The following ACSM5 variants were observed in gnomAD, a reference collection of about 807,000 sequenced individuals.
ACSM5 encodes the protein acyl-coenzyme A synthetase ACSM5, mitochondrial.
ACSM5 carries 56 observed loss-of-function variants against 71.6 expected under a neutral mutation model. That is an observed-to-expected ratio of 0.78 (90% CI 0.63 to 0.98). The LOEUF (loss-of-function observed/expected upper bound fraction) is 0.98, where lower values mean the gene tolerates loss of function less well. Among genes scored for constraint, ACSM5 ranks in the 50% least tolerant of loss-of-function variants. The pLI, the probability that ACSM5 is intolerant of heterozygous loss-of-function variation, is 0.00. For missense variants in ACSM5, 723 were observed against 726.0 expected (o/e 1.00, Z 0.05); for synonymous variants, 285 against 281.5 (o/e 1.01, Z -0.12).
In ACSM5 at chr16:20,440,943, C is replaced by G. The variant is rs535781239; in HGVS notation, c.*516C>G. The G allele has an allele frequency of 6.8e-6, 1 of 147,624 alleles. No homozygotes were observed. The highest frequency in any genetic ancestry group is 2.5e-5 in the African/African-American group (1 of 39,388). 9.1% of individuals were successfully genotyped at this position (147,624 alleles called of 1,614,324 possible). ...AATGTGTGGTGCACTAAGATGATCA[C>G]ACAGCATTAAAACTAAAAAAAAAAA... On this transcript the variant is annotated 3_prime_UTR_variant, in exon 14 of 14. Coordinates refer to ENST00000331849, the MANE Select transcript of ACSM5 (RefSeq NM_017888.3).
chr16:20,440,008 C>T (rs1434131545), intron 13 of ACSM5, 89 bp downstream of exon 13: 6 of 1,523,000 alleles, frequency 3.9e-6, no homozygotes, highest in Non-Finnish European at 5.4e-6. Flanking sequence ...GGCCCTGTGC[C>T]AGGCACTGGG....
chr16:20,426,194 A>G (rs55957497), intron 6 of ACSM5, among the ~76,000 whole-genome samples: 40,615 of 152,178 alleles, frequency 0.27, 5,768 homozygotes, highest in East Asian at 0.37. Flanking sequence ...GATTGTTATC[A>G]TCATGATCAA....
At chr16:20,422,357 G>A (rs575656783) in intron 5 of ACSM5, among the ~76,000 whole-genome samples, 2 of 152,060 alleles carry the variant, frequency 1.3e-5, no homozygotes, top group Non-Finnish European at 2.9e-5. Flanking sequence ...TGATCCTCAC[G>A]CCTTGGCCTC....
chr16:20,411,765 C>T lies in ACSM5; in HGVS notation c.204+77C>T. 2.0e-6 allele frequency: 3 copies of T among 1,468,838 alleles called. 1 individual carries two copies. In the South Asian group the frequency reaches 3.5e-5, roughly 17 times the overall value. The allele number at this position is 1,468,838 out of a possible 1,614,324, so 91.0% of individuals were successfully genotyped here. ...ATGTACCACAATGAGACTCAAGGCTCCAAGCATGTTGATGAGGAAATTTGG... is the reference window on the plus strand; with the variant it reads ...ATGTACCACAATGAGACTCAAGGCTTCAAGCATGTTGATGAGGAAATTTGG... On this transcript the variant is annotated intron_variant, in intron 2 of 13. Coordinates refer to ENST00000331849, the MANE Select transcript of ACSM5 (RefSeq NM_017888.3).
rs149777385 is a variant in ACSM5, at chr16:20,437,328, G to A, written c.1497G>A (p.Glu499=). The change falls in exon 12 of 14, where the codon GAG becomes GAA. Residue 499 remains glutamate (E), a synonymous_variant. Coordinates refer to ENST00000331849, the MANE Select transcript of ACSM5 (RefSeq NM_017888.3). ...TGGCAGAGCATCCTGCTGTCCTGGA[G>A]TCGGCTGTGGTCAGCAGCCCAGACC... is the stretch of plus-strand genomic sequence containing the variant. ...SALAEHPAVL[E]SAVVSSPDPI... The A allele has an allele frequency of 0.015, 24,739 of 1,614,008 alleles. 210 individuals carry two copies. The highest frequency in any genetic ancestry group is 0.018 in the Non-Finnish European group (21,190 of 1,179,986).
At chr16:20,424,925 C>T (rs1167993083) in intron 6 of ACSM5, among the ~76,000 whole-genome samples, 1 of 152,214 alleles carries the variant, frequency 6.6e-6, no homozygotes, top group African/African-American at 2.4e-5. Flanking sequence ...TGTAGGCATG[C>T]AATGCGTGAA....
rs199795760 is a variant in ACSM5, at chr16:20,439,880, T to C, written c.1617T>C (p.His539=). The C allele has an allele frequency of 4.6e-4, 737 of 1,612,176 alleles. 7 individuals carry two copies. Among genetic ancestry groups the C allele is most frequent in the Non-Finnish European group, 3.9e-4 (460 of 1,178,714 alleles). Reference sequence around the variant, plus strand: ...CACTAACGCGGGAACTCCAGGAGCATGTGAAAAGGGTGACTGCTCCATACA... The same window carrying C: ...CACTAACGCGGGAACTCCAGGAGCACGTGAAAAGGGTGACTGCTCCATACA... ...PEALTRELQE[H]VKRVTAPYKY... The change falls in exon 13 of 14, where the codon CAT becomes CAC. Residue 539 remains histidine, a synonymous_variant. Transcript: ENST00000331849.
intron 12 of ACSM5, among the ~76,000 whole-genome samples, chr16:20,439,318 T>G (rs1342116239): frequency 1.6e-5 from 2 of 126,540 alleles, no homozygotes; most frequent in African/African-American, 6.9e-5. Flanking sequence ...AGTGGTGCAG[T>G]TCAGGGTCTG....
Position 20,437,122 on chromosome 16 carries a change from A to G in ACSM5, c.1379A>G (p.Asp460Gly), listed in dbSNP as rs1967216482. 2 of 1,614,222 alleles carry G rather than the reference A, an allele frequency of 1.2e-6. No homozygotes were observed. Among genetic ancestry groups the G allele is most frequent in the Non-Finnish European group, 1.7e-6 (2 of 1,180,040 alleles). ...ATCACAGGGGACCGAGCTCGCATGG[A>G]CAAGGATGGCTACTTTTGGTTCATG... The part of the protein sequence containing the change: ...FYITGDRARM[D>G]KDGYFWFMGR... The change falls in exon 11 of 14, where the codon GAC becomes GGC. Residue 460 changes from aspartate (D) to glycine (G), a missense_variant. Physicochemically the swap from Asp to Gly is moderately conservative, Grantham distance 94. Coordinates refer to ENST00000331849, the MANE Select transcript of ACSM5 (RefSeq NM_017888.3).
At chr16:20,418,011 A>T in intron 2 of ACSM5, 48 bp from the exon 3 acceptor site, 2 of 1,566,478 alleles carry the variant, frequency 1.3e-6, no homozygotes, top group Non-Finnish European at 1.7e-6. Context: ...GCAAACAAAA[A>T]TTCTCAATAA....
Position 20,421,284 on chromosome 16 carries a change from T to C in ACSM5, c.650T>C (p.Met217Thr), listed in dbSNP as rs762283589. The C allele has an allele frequency of 7.5e-6, 12 of 1,605,258 alleles. No homozygotes were observed. The South Asian group carries it at 1.2e-4, about 16-fold the overall frequency. ...LREASTEHNC[M>T]RTKSRDPLAI... ...GAGGCTTCTACAGAGCACAACTGCA[T>C]GAGGACAAAGAGTCGAGACCCGCTG... The change falls in exon 5 of 14, where the codon ATG (methionine) becomes ACG (threonine). Residue 217 changes from methionine to threonine, a missense_variant. Transcript: ENST00000331849.
intron 10 of ACSM5, among the ~76,000 whole-genome samples, chr16:20,435,527 G>A (rs1967174188): frequency 6.6e-6 from 1 of 152,140 alleles, no homozygotes; most frequent in South Asian, 2.1e-4. Flanking sequence ...CGTTAAGTGT[G>A]TAAGTCAATG....
chr16:20,431,127 C>T (rs1967088755), intron 9 of ACSM5, 54 bp downstream of exon 9: 2 of 1,600,620 alleles, frequency 1.2e-6, no homozygotes, highest in Admixed American at 1.7e-5. Flanking sequence ...GAGAAAGACA[C>T]ACAGGCCTGG....
chr16:20,411,335 G>A (rs1966847234), intron 1 of ACSM5, 135 bp from the exon 2 acceptor site: 1 of 699,758 alleles, frequency 1.4e-6, no homozygotes. Context: ...TGAGACTGAA[G>A]GTGGAGAGTT....
chr16:20,419,480 C>T (rs370016772), intron 4 of ACSM5, 45 bp downstream of exon 4: 5 of 1,575,924 alleles, frequency 3.2e-6, no homozygotes, highest in Non-Finnish European at 4.4e-6. Flanking sequence ...AAGTCATTTC[C>T]CCTTTAAGCA....
chr16:20,419,430 C>T lies in ACSM5; in HGVS notation c.618C>T (p.Leu206=). The T allele has an allele frequency of 6.2e-7, 1 of 1,614,084 alleles. No individual in the cohort carries two copies. Reference sequence around the variant, plus strand: ...CAGGCTGGTTGAACTTCAGGGAACTCCTCCGGTGAATTGGGGCTCTCCAGA... The same window carrying T: ...CAGGCTGGTTGAACTTCAGGGAACTTCTCCGGTGAATTGGGGCTCTCCAGA... The part of the protein sequence containing the change: ...SRPGWLNFRE[L]LREASTEHNC... Residue 206 remains leucine, a synonymous_variant, in exon 4 of 14, where the codon CTC becomes CTT. Transcript: ENST00000331849.
At chr16:20,420,203 A>G (rs1966871970) in intron 4 of ACSM5, among the ~76,000 whole-genome samples, 1 of 152,222 alleles carries the variant, frequency 6.6e-6, no homozygotes, top group African/African-American at 2.4e-5. Flanking sequence ...CAGCTGCATC[A>G]GATTCACCTG....
intron 6 of ACSM5, among the ~76,000 whole-genome samples, chr16:20,425,400 T>A (rs1354024248): frequency 6.6e-6 from 1 of 152,210 alleles, no homozygotes; most frequent in Non-Finnish European, 1.5e-5. Flanking sequence ...GACACTTAGG[T>A]TGCTTCAAAA....
At position 20,437,116 on chromosome 16, in the gene ACSM5, G is replaced by T. The variant is rs141553052; in HGVS notation, c.1373G>T (p.Arg458Leu). 23 of 1,614,064 alleles carry T rather than the reference G, an allele frequency of 1.4e-5. No homozygotes were observed. Among genetic ancestry groups the T allele is most frequent in the African/African-American group, 2.7e-5 (2 of 74,910 alleles). Residue 458 changes from arginine to leucine, a missense_variant, in exon 11 of 14, where the codon CGC becomes CTC. Arg to Leu is a moderately radical substitution (Grantham distance 102). Coordinates refer to ENST00000331849, the MANE Select transcript of ACSM5 (RefSeq NM_017888.3). The stretch of plus-strand genomic sequence containing the variant: ...TTTTACATCACAGGGGACCGAGCTC[G>T]CATGGACAAGGATGGCTACTTTTGG... Reference protein sequence around the residue: ...GDFYITGDRARMDKDGYFWFM... With the variant: ...GDFYITGDRALMDKDGYFWFM...
Sources: gnomAD v4.1 joint callset for allele counts (sites outside exome capture counted in the v4.1 genomes callset) on GRCh38, gnomAD v4.1.1 for gene constraint, MANE v1.5 for transcripts, NCBI Gene and HGNC (gene_info 2026-07-23, HGNC 2026-07-21) for gene names.